The following FOXJ3 variants were observed in gnomAD, a reference collection of about 807,000 sequenced individuals.
FOXJ3 encodes forkhead box J3, also known as forkhead box protein J3.
FOXJ3 carries 22 observed loss-of-function variants against 76.1 expected under a neutral mutation model. The ratio of observed to expected loss-of-function variants is 0.29; its 90% confidence interval spans 0.21 to 0.41. FOXJ3 has a LOEUF of 0.41. Among genes scored for constraint, FOXJ3 ranks in the 10% least tolerant of loss-of-function variants. The pLI, the probability that FOXJ3 is intolerant of heterozygous loss-of-function variation, is 1.00. For missense variants in FOXJ3, 613 were observed against 762.1 expected (o/e 0.80, Z 2.30); for synonymous variants, 269 against 261.2 (o/e 1.03, Z -0.29).
At chr1:42,256,760 CTTGT>C (rs1042611712) in intron 4 of FOXJ3, among the ~76,000 whole-genome samples, 8 of 152,290 alleles carry the variant, frequency 5.3e-5, no homozygotes, top group Admixed American at 2.6e-4. Flanking sequence ...CCACAGAAAA[CTTGT>C]TTAAGAATTT....
rs538617031 is a variant in FOXJ3 at position 42,210,372 on chromosome 1, A to G, written c.529-4509T>C. On this transcript the variant is annotated intron_variant, in intron 5 of 12. Transcript: ENST00000361346. ...TTTGGAAAGCTCCATGGCCCTGCCTATGGCCTGAGACACCAGAGTACCTTG... is the reference window on the plus strand; with the variant it reads ...TTTGGAAAGCTCCATGGCCCTGCCTGTGGCCTGAGACACCAGAGTACCTTG... 6.4e-4 allele frequency among the ~76,000 whole-genome samples: 98 copies of G among 152,262 alleles called. 1 individual carries two copies. The highest frequency in any genetic ancestry group is 4.1e-4 in the South Asian group (2 of 4,822).
Position 42,317,049 on chromosome 1 carries a change from ATTTAT to A in FOXJ3, c.-17-5944_-17-5940del, listed in dbSNP as rs899379813. On this transcript the variant is annotated intron_variant, in intron 1 of 12. Coordinates refer to ENST00000361346, the MANE Select transcript of FOXJ3 (RefSeq NM_014947.5). ...TAAAAAAATTAAAAATTCATTTTTT[ATTTAT>A]TTTATTTATTTAAAAAACTGTCACA... Among the ~76,000 whole-genome samples, 16 of 152,252 alleles carry A rather than the reference ATTTAT, an allele frequency of 1.1e-4. No individual in the cohort carries two copies. The East Asian group carries it at 1.3e-3, about 13-fold the overall frequency.
intron 5 of FOXJ3, among the ~76,000 whole-genome samples, chr1:42,209,430 G>T (rs948303930): frequency 2.6e-5 from 4 of 152,136 alleles, no homozygotes; most frequent in African/African-American, 9.7e-5. Context: ...CAGAAAAACT[G>T]AAAGAAAATG....
chr1:42,216,867 G>A (rs1647080139), intron 5 of FOXJ3, among the ~76,000 whole-genome samples: 1 of 152,182 alleles, frequency 6.6e-6, no homozygotes, highest in Admixed American at 6.5e-5. Flanking sequence ...AAAGGGAAAA[G>A]AGATGAAACT....
intron 6 of FOXJ3, among the ~76,000 whole-genome samples, chr1:42,199,668 T>C (rs1318751843): frequency 1.3e-5 from 2 of 151,754 alleles, no homozygotes; most frequent in Non-Finnish European, 2.9e-5. Flanking sequence ...CATCACAGTA[T>C]TTTTAATACT....
rs144438280 is a variant in FOXJ3, at chr1:42,260,511, G to A, written c.444+4604C>T. ...AGGCCAGGAGTTCAAGACCAGTCCA[G>A]GCAACATAGTGAGAACTCCATCTCC... On this transcript the variant is annotated intron_variant, in intron 4 of 12. Coordinates refer to ENST00000361346, the MANE Select transcript of FOXJ3 (RefSeq NM_014947.5). 4.6e-3 allele frequency among the ~76,000 whole-genome samples: 694 copies of A among 152,170 alleles called. 6 individuals are homozygous for A. The highest frequency in any genetic ancestry group is 0.016 in the African/African-American group (661 of 41,516).
At chr1:42,304,893 G>A (rs548118231) in intron 2 of FOXJ3, among the ~76,000 whole-genome samples, 3 of 152,070 alleles carry the variant, frequency 2.0e-5, no homozygotes, top group South Asian at 4.2e-4. Context: ...TAGACAAACG[G>A]GATCACATCA....
chr1:42,316,793 G>GT (rs1655140012), intron 1 of FOXJ3, among the ~76,000 whole-genome samples: 1 of 152,120 alleles, frequency 6.6e-6, no homozygotes, highest in South Asian at 2.1e-4. Flanking sequence ...ACCAAACGAT[G>GT]TATGTTCTCA....
At position 42,207,089 on chromosome 1, in the gene FOXJ3, A is replaced by G. The variant is rs559447864; in HGVS notation, c.529-1226T>C. ...AAGTGACCCACCTGCCTCAGCCTCC[A>G]AAAGTGCTACTACAGGTGTTGAGTC... On this transcript the variant is annotated intron_variant, in intron 5 of 12. Transcript: ENST00000361346. Among the ~76,000 whole-genome samples the G allele has an allele frequency of 5.9e-5, 9 of 152,078 alleles. 1 individual carries two copies. Among genetic ancestry groups the G allele is most frequent in the Non-Finnish European group, 1.2e-4 (8 of 67,988 alleles).
chr1:42,284,297 G>C (rs1001104917), intron 2 of FOXJ3, among the ~76,000 whole-genome samples: 3 of 152,116 alleles, frequency 2.0e-5, no homozygotes, highest in African/African-American at 7.2e-5. Flanking sequence ...GAATTTGGTC[G>C]AACTGTTATC....
intron 1 of FOXJ3, among the ~76,000 whole-genome samples, chr1:42,312,525 G>GA (rs1382879373): frequency 6.6e-6 from 1 of 152,194 alleles, no homozygotes; most frequent in Non-Finnish European, 1.5e-5. Flanking sequence ...CAGAATGACA[G>GA]GGTGGATGGC....
At chr1:42,287,682 C>T (rs571478127) in intron 2 of FOXJ3, among the ~76,000 whole-genome samples, 4 of 151,630 alleles carry the variant, frequency 2.6e-5, no homozygotes, top group Admixed American at 1.3e-4. Context: ...CATTTAGGGC[C>T]GGGCATGGTG....
chr1:42,324,103 T>TATATACATAGTGTATATATA (rs1553170579), intron 1 of FOXJ3, among the ~76,000 whole-genome samples: 1 of 88,342 alleles, frequency 1.1e-5, no homozygotes, highest in Non-Finnish European at 2.1e-5. Flanking sequence ...ATATATACTG[T>TATATACATAGTGTATATATA]GTATATACAC....
chr1:42,231,697 C>T (rs1178490213), intron 4 of FOXJ3, among the ~76,000 whole-genome samples: 2 of 151,966 alleles, frequency 1.3e-5, no homozygotes, highest in African/African-American at 4.8e-5. Context: ...TTTTTAAATA[C>T]AGTGGCACGA....
intron 4 of FOXJ3, chr1:42,264,895 T>C: frequency 2.2e-6 from 1 of 460,816 alleles, no homozygotes; most frequent in Non-Finnish European, 3.8e-6. Flanking sequence ...AACCAAAGAT[T>C]AGATTAGAAA....
intron 1 of FOXJ3, among the ~76,000 whole-genome samples, chr1:42,324,566 T>A (rs1028145739): frequency 6.6e-6 from 1 of 152,014 alleles, no homozygotes; most frequent in Non-Finnish European, 1.5e-5. Flanking sequence ...ATTTCATCAC[T>A]GTACAAACGT....
chr1:42,304,966 T>C (rs932624382), intron 2 of FOXJ3, among the ~76,000 whole-genome samples: 1 of 152,128 alleles, frequency 6.6e-6, no homozygotes, highest in East Asian at 1.9e-4. Flanking sequence ...AGCCACAAAA[T>C]GGCTGAAAAT....
intron 2 of FOXJ3, among the ~76,000 whole-genome samples, chr1:42,295,582 G>A (rs1429331431): frequency 7.8e-6 from 1 of 127,430 alleles, no homozygotes; most frequent in Non-Finnish European, 1.5e-5. Context: ...AGGCTGGAAT[G>A]CAGTGGCGCA....
At chr1:42,223,812 T>C (rs1647332792) in intron 5 of FOXJ3, among the ~76,000 whole-genome samples, 1 of 152,188 alleles carries the variant, frequency 6.6e-6, no homozygotes, top group African/African-American at 2.4e-5. Context: ...AAAAAGAATT[T>C]TGATTCAGTG....
Sources: gnomAD v4.1 joint callset for allele counts (sites outside exome capture counted in the v4.1 genomes callset) on GRCh38, gnomAD v4.1.1 for gene constraint, MANE v1.5 for transcripts, NCBI Gene and HGNC (gene_info 2026-07-23, HGNC 2026-07-21) for gene names.